CC2D2A: variants seen among roughly 807,000 people sequenced by gnomAD.
The protein encoded by CC2D2A is coiled-coil and C2 domain-containing protein 2A.
Under a neutral mutation model 212.9 loss-of-function variants are expected in CC2D2A, and 155 were observed. The ratio of observed to expected loss-of-function variants is 0.73; its 90% confidence interval spans 0.64 to 0.83. CC2D2A has a LOEUF of 0.83. Among genes scored for constraint, CC2D2A ranks in the 40% least tolerant of loss-of-function variants. CC2D2A has a pLI of 0.00. For missense variants in CC2D2A, 1,856 were observed against 1,956.2 expected, an observed-to-expected ratio of 0.95 and a Z score of 0.97; for synonymous variants, 667 against 686.5, an observed-to-expected ratio of 0.97 and a Z score of 0.44.
chr4:15,470,639 C>T (rs562691047), intron 1 of CC2D2A, among the ~76,000 whole-genome samples: 1 of 143,056 alleles, frequency 7.0e-6, no homozygotes, highest in Non-Finnish European at 1.5e-5. Flanking sequence ...AAATTCAGCA[C>T]CAGCATGAAA....
At chr4:15,499,038 A>G (rs999115126) in intron 4 of CC2D2A, among the ~76,000 whole-genome samples, 2 of 152,164 alleles carry the variant, frequency 1.3e-5, no homozygotes, top group African/African-American at 4.8e-5. Flanking sequence ...AATCCTCTAC[A>G]TGTCTTTTAG....
At chr4:15,482,562 A>G (rs183151538) in intron 4 of CC2D2A, among the ~76,000 whole-genome samples, 59 of 152,140 alleles carry the variant, frequency 3.9e-4, no homozygotes, top group African/African-American at 1.4e-3. Context: ...CTCCTCTTAT[A>G]AGGACACTAA....
At chr4:15,471,956 C>T (rs1306033211) in intron 1 of CC2D2A, among the ~76,000 whole-genome samples, 1 of 152,178 alleles carries the variant, frequency 6.6e-6, no homozygotes, top group East Asian at 1.9e-4. Flanking sequence ...GTTTTCTGCA[C>T]TGAGTAAAAT....
At chr4:15,540,796 A>C (rs772426949) in intron 16 of CC2D2A, 41 bp from the exon 17 acceptor site, 81 of 1,553,302 alleles carry the variant, frequency 5.2e-5, no homozygotes, top group Non-Finnish European at 7.0e-5. Context: ...GATCTTAGTA[A>C]ATTATTACTA....
chr4:15,553,247 G>C lies in CC2D2A; in HGVS notation c.2428G>C (p.Gly810Arg), dbSNP rs1229368745. The change falls in exon 19 of 37, where the codon GGA (glycine) becomes CGA (arginine). Residue 810 changes from glycine to arginine, a missense_variant. Transcript: ENST00000424120. ...GTCTCATAGTGTGGCATGGGCCATT[G>C]GAGAAAACGGGATACCTTTAATTCC... ...KVSHSVAWAI[G>R]ENGIPLIPPL... 6.2e-7 allele frequency: 1 copy of C among 1,613,312 alleles called. No homozygotes were observed. The highest frequency in any genetic ancestry group is 1.3e-5 in the African/African-American group (1 of 75,002).
chr4:15,475,000 G>T (rs1042017151), intron 1 of CC2D2A, among the ~76,000 whole-genome samples: 1 of 152,146 alleles, frequency 6.6e-6, no homozygotes, highest in Non-Finnish European at 1.5e-5. Flanking sequence ...TTTTGGCCGG[G>T]CACGGTGGCT....
intron 26 of CC2D2A, 24 bp downstream of exon 26, chr4:15,567,810 G>T: frequency 6.8e-7 from 1 of 1,474,342 alleles, no homozygotes; most frequent in Non-Finnish European, 9.3e-7. Flanking sequence ...CCTCTTTAAA[G>T]AACTATAGGA....
intron 14 of CC2D2A, among the ~76,000 whole-genome samples, chr4:15,534,844 T>C (rs1718040864): frequency 6.6e-6 from 1 of 152,112 alleles, no homozygotes. Context: ...GTATATCTGG[T>C]CCCTACCAGA....
intron 11 of CC2D2A, among the ~76,000 whole-genome samples, chr4:15,518,296 T>C (rs751323808): frequency 5.9e-5 from 9 of 152,252 alleles, no homozygotes; most frequent in Middle Eastern, 3.4e-3. Flanking sequence ...AATGGAGGTA[T>C]AGGTATTGGG....
At chr4:15,584,265 G>C (rs1489806805) in intron 30 of CC2D2A, among the ~76,000 whole-genome samples, 3 of 152,100 alleles carry the variant, frequency 2.0e-5, no homozygotes, top group Admixed American at 6.5e-5. Flanking sequence ...ATATACTACT[G>C]TAGTAACTAA....
chr4:15,571,852 C>T (rs547722153), intron 28 of CC2D2A, among the ~76,000 whole-genome samples: 2 of 152,274 alleles, frequency 1.3e-5, no homozygotes, highest in East Asian at 3.9e-4. Flanking sequence ...CTAAATTTCA[C>T]ATTTGGGAAG....
chr4:15,522,582 C>T (rs1418900038), intron 11 of CC2D2A, among the ~76,000 whole-genome samples: 1 of 150,704 alleles, frequency 6.6e-6, no homozygotes, highest in Admixed American at 6.6e-5. Context: ...AATATTGTCT[C>T]AATATTAGGA....
chr4:15,519,788 G>A, intron 11 of CC2D2A: 1 of 329,922 alleles, frequency 3.0e-6, no homozygotes, highest in Non-Finnish European at 6.2e-6. Flanking sequence ...GCGCAGGAAA[G>A]ACCCACCCCC....
At chr4:15,593,617 C>T (rs917082322) in intron 33 of CC2D2A, among the ~76,000 whole-genome samples, 4 of 152,140 alleles carry the variant, frequency 2.6e-5, no homozygotes, top group African/African-American at 9.7e-5. Context: ...TTCCCCTTTG[C>T]AGTCTTTCCC....
Position 15,579,992 on chromosome 4 carries a change from T to G in CC2D2A, c.3796T>G (p.Leu1266Val). 1.2e-6 allele frequency: 2 copies of G among 1,613,530 alleles called. No individual in the cohort carries two copies. The highest frequency in any genetic ancestry group is 1.7e-4 in the Middle Eastern group (1 of 5,818). The change falls in exon 30 of 37, where the codon TTA becomes GTA. Residue 1266 changes from leucine to valine, a missense_variant. By Grantham distance (32) the Leu-to-Val change is conservative. Transcript: ENST00000424120. ...GTTTGAGTCTCAGGAAGATGAGAAA[T>G]TACTTCAAGCAACTGAGAAGTTTCA... ...EKFESQEDEK[L>V]LQATEKFQAE...
chr4:15,529,060 T>C (rs1717673303), intron 13 of CC2D2A, among the ~76,000 whole-genome samples: 1 of 152,196 alleles, frequency 6.6e-6, no homozygotes, highest in Admixed American at 6.5e-5. Context: ...TTTAAGGAGC[T>C]ATGTGTGCAT....
intron 4 of CC2D2A, among the ~76,000 whole-genome samples, chr4:15,493,311 C>T (rs1352896499): frequency 3.3e-5 from 5 of 152,072 alleles, no homozygotes; most frequent in Admixed American, 3.3e-4. Context: ...CTCTGTTGCT[C>T]AGGCTGGAGT....
chr4:15,592,572 C>T (rs189349770), intron 33 of CC2D2A, among the ~76,000 whole-genome samples: 14 of 152,300 alleles, frequency 9.2e-5, no homozygotes, highest in Admixed American at 6.5e-4. Context: ...CCGTAGTTTA[C>T]TGATAAAGGA....
At chr4:15,595,805 A>G (rs1721293207) in intron 33 of CC2D2A, 2 of 214,616 alleles carry the variant, frequency 9.3e-6, no homozygotes, top group Non-Finnish European at 1.8e-5. Context: ...GGTTTTTATA[A>G]CAAAAAACAA....
Sources: allele counts gnomAD v4.1 joint callset (sites outside exome capture counted in the v4.1 genomes callset), GRCh38; gene constraint gnomAD v4.1.1; transcripts MANE v1.5; gene names NCBI Gene and HGNC (gene_info 2026-07-23, HGNC 2026-07-21).